The following SPATA31H1 variants were observed in gnomAD, a reference collection of about 807,000 sequenced individuals.
SPATA31H1 encodes the protein SPATA31 subfamily H member 1.
the SPATA31H1 span, among the ~76,000 whole-genome samples, chr2:27,545,320 G>T: frequency 6.6e-6 from 1 of 151,928 alleles, no homozygotes; most frequent in Non-Finnish European, 1.5e-5. Context: ...ACCACACCTG[G>T]CCTGTTTATT....
At chr2:27,578,142 G>T in the SPATA31H1 span, 1 of 1,614,104 alleles carries the variant, frequency 6.2e-7, no homozygotes, top group Middle Eastern at 1.6e-4. Context: ...ATTTCAAATT[G>T]TAAAGTCTGT....
the SPATA31H1 span, chr2:27,572,674 T>C: frequency 2.5e-6 from 1 of 397,880 alleles, no homozygotes; most frequent in Non-Finnish European, 4.4e-6. Flanking sequence ...GTGAAATCTG[T>C]GCAGTGGATA....
the SPATA31H1 span, among the ~76,000 whole-genome samples, chr2:27,542,149 C>A: frequency 6.6e-6 from 1 of 152,026 alleles, no homozygotes; most frequent in East Asian, 1.9e-4. Flanking sequence ...GTAATCCTGG[C>A]ACTTTGGGAG....
At chr2:27,570,332 AT>A in the SPATA31H1 span, 1 of 398,920 alleles carries the variant, frequency 2.5e-6, no homozygotes, top group East Asian at 3.6e-5. Flanking sequence ...CAGAACTACC[AT>A]TTCAAAGTGT....
the SPATA31H1 span, among the ~76,000 whole-genome samples, chr2:27,566,545 T>C: frequency 9.2e-5 from 14 of 151,954 alleles, no homozygotes; most frequent in Non-Finnish European, 1.6e-4. Context: ...CATTTCTGGG[T>C]GGAATGGGAA....
chr2:27,545,813 T>C, the SPATA31H1 span, among the ~76,000 whole-genome samples: 1 of 151,874 alleles, frequency 6.6e-6, no homozygotes, highest in African/African-American at 2.4e-5. Flanking sequence ...TCTGCCCCCC[T>C]CGGTCTCCCA....
chr2:27,565,534 A>G, the SPATA31H1 span: 3 of 656,170 alleles, frequency 4.6e-6, no homozygotes, highest in Non-Finnish European at 8.3e-6. Context: ...TAGCATCTCC[A>G]TGTCTAAAGA....
the SPATA31H1 span, chr2:27,576,621 T>C: frequency 1.2e-6 from 2 of 1,608,276 alleles, no homozygotes; most frequent in Non-Finnish European, 1.7e-6. Context: ...TTATCAAGAG[T>C]TGACTTCAGG....
the SPATA31H1 span, chr2:27,580,459 G>A: frequency 8.7e-6 from 14 of 1,613,902 alleles, no homozygotes; most frequent in African/African-American, 2.7e-5. Context: ...ATCACCAAGC[G>A]ACTTAGAAAA....
the SPATA31H1 span, among the ~76,000 whole-genome samples, chr2:27,546,659 A>G: frequency 2.0e-5 from 3 of 151,820 alleles, no homozygotes; most frequent in African/African-American, 7.3e-5. Flanking sequence ...CAACCTCCCA[A>G]GTAGCTGGGA....
the SPATA31H1 span, chr2:27,575,300 T>C: frequency 1.0e-5 from 4 of 398,434 alleles, no homozygotes; most frequent in African/African-American, 8.2e-5. The surrounding 1 kb of genome is among the most constrained non-coding windows in gnomAD (Gnocchi z 4.1). Context: ...AGAAATCTCA[T>C]AAATTGAATC....
At chr2:27,567,800 C>T in the SPATA31H1 span, 2 of 398,800 alleles carry the variant, frequency 5.0e-6, no homozygotes, top group African/African-American at 2.1e-5. Flanking sequence ...TGGAGTTGAC[C>T]CCAAGGCTAT....
chr2:27,567,200 G>A, the SPATA31H1 span: 1 of 633,202 alleles, frequency 1.6e-6, no homozygotes, highest in Non-Finnish European at 2.9e-6. Flanking sequence ...CAGATCATGA[G>A]CCAAATTCTG....
the SPATA31H1 span, among the ~76,000 whole-genome samples, chr2:27,545,249 C>T: frequency 6.6e-6 from 1 of 151,958 alleles, no homozygotes; most frequent in Non-Finnish European, 1.5e-5. Context: ...TTTCGAACTC[C>T]TGACCTCAGG....
the SPATA31H1 span, chr2:27,582,109 A>C: frequency 6.2e-7 from 1 of 1,613,466 alleles, no homozygotes; most frequent in East Asian, 2.2e-5. Context: ...GAGAGAAGTC[A>C]CAGTCCCTCA....
the SPATA31H1 span, among the ~76,000 whole-genome samples, chr2:27,539,956 C>A: frequency 1.5e-5 from 2 of 132,840 alleles, no homozygotes; most frequent in Non-Finnish European, 3.3e-5. Context: ...GGCGGCTGGC[C>A]AGGCGGGGGG....
At chr2:27,550,644 C>T in the SPATA31H1 span, among the ~76,000 whole-genome samples, 1 of 151,620 alleles carries the variant, frequency 6.6e-6, no homozygotes, top group East Asian at 1.9e-4. Flanking sequence ...TGCTGAAACT[C>T]CTTTCCTCAG....
the SPATA31H1 span, among the ~76,000 whole-genome samples, chr2:27,562,861 T>C: frequency 8.0e-3 from 1,209 of 151,040 alleles, 28 homozygotes; most frequent in African/African-American, 0.028. Context: ...CACTCCAGCC[T>C]GGACGACAGA....
At chr2:27,550,411 A>ATTTTTT in the SPATA31H1 span, among the ~76,000 whole-genome samples, 8 of 94,536 alleles carry the variant, frequency 8.5e-5, no homozygotes, top group Non-Finnish European at 1.0e-4. Context: ...TGGGTGTTAA[A>ATTTTTT]TTTTTTTTTT....
Sources: allele counts gnomAD v4.1 joint callset (sites outside exome capture counted in the v4.1 genomes callset), GRCh38; gene constraint gnomAD v4.1.1; non-coding constraint Gnocchi (gnomAD v3.1); transcripts MANE v1.5; gene names NCBI Gene and HGNC (gene_info 2026-07-23, HGNC 2026-07-21).